The following USH2A variants were observed in gnomAD, a reference collection of about 807,000 sequenced individuals.
The protein encoded by USH2A is usherin.
A neutral mutation model predicts 538.9 loss-of-function variants in USH2A; 443 were observed. That is an observed-to-expected ratio of 0.82 (90% CI 0.76 to 0.89). The LOEUF (loss-of-function observed/expected upper bound fraction) is 0.89, where lower values mean the gene tolerates loss of function less well. Ranked by LOEUF, USH2A falls within the 40% of genes least tolerant of loss-of-function variation. The pLI, the probability that USH2A is intolerant of heterozygous loss-of-function variation, is 0.00. For missense variants in USH2A, 6,633 were observed against 6,324.8 expected (o/e 1.05, Z -1.65); for synonymous variants, 2,413 against 2,273.5 (o/e 1.06, Z -1.75).
intron 30 of USH2A, among the ~76,000 whole-genome samples, chr1:216,066,601 G>A (rs2031380162): frequency 6.6e-6 from 1 of 152,170 alleles, no homozygotes; most frequent in Non-Finnish European, 1.5e-5. Context: ...GTCAAGCACT[G>A]TGCTATGTGC....
chr1:215,708,846 C>T (rs1461505884), intron 61 of USH2A, among the ~76,000 whole-genome samples: 1 of 152,008 alleles, frequency 6.6e-6, no homozygotes. Context: ...GTTCTGGACC[C>T]CTTGTGTCAA....
intron 32 of USH2A, among the ~76,000 whole-genome samples, chr1:216,021,694 CTCTT>C (rs1387400903): frequency 6.6e-6 from 1 of 152,150 alleles, no homozygotes; most frequent in East Asian, 1.9e-4. Flanking sequence ...CAATAAATCT[CTCTT>C]TCTCCATTCT....
At chr1:215,954,225 A>C (rs1275372442) in intron 37 of USH2A, among the ~76,000 whole-genome samples, 5 of 152,282 alleles carry the variant, frequency 3.3e-5, no homozygotes, top group Admixed American at 6.5e-5. Context: ...TATATACCCA[A>C]GGGATTATAA....
chr1:215,740,721 TC>T (rs1660275612), intron 60 of USH2A, among the ~76,000 whole-genome samples: 2 of 152,310 alleles, frequency 1.3e-5, no homozygotes, highest in East Asian at 1.9e-4. Context: ...TAAGCAGTGG[TC>T]CCCAAACTTT....
intron 49 of USH2A, among the ~76,000 whole-genome samples, chr1:215,802,927 G>A (rs1167626351): frequency 6.6e-6 from 1 of 152,012 alleles, no homozygotes; most frequent in African/African-American, 2.4e-5. Context: ...GACATTATTC[G>A]ACCTTAAAAA....
At chr1:215,905,916 C>G (rs895765662) in intron 38 of USH2A, among the ~76,000 whole-genome samples, 1 of 152,100 alleles carries the variant, frequency 6.6e-6, no homozygotes, top group East Asian at 1.9e-4. Context: ...CGCTGAATAG[C>G]CTGGCACATA....
chr1:216,000,087 A>G (rs1460121847), intron 33 of USH2A, among the ~76,000 whole-genome samples: 1 of 152,166 alleles, frequency 6.6e-6, no homozygotes, highest in Non-Finnish European at 1.5e-5. Flanking sequence ...AGATATACAT[A>G]CTTTCTAATT....
chr1:216,114,962 A>G (rs950998505), intron 21 of USH2A, among the ~76,000 whole-genome samples: 1 of 152,172 alleles, frequency 6.6e-6, no homozygotes, highest in African/African-American at 2.4e-5. Flanking sequence ...TCATAGATAT[A>G]TATCTATCTG....
intron 58 of USH2A, among the ~76,000 whole-genome samples, 194 bp downstream of exon 58, chr1:215,758,401 A>G (rs1006793626): frequency 1.3e-5 from 2 of 152,090 alleles, no homozygotes; most frequent in African/African-American, 4.8e-5. Flanking sequence ...CTAGATACCT[A>G]TATCTCTACG....
At chr1:216,043,292 C>A (rs184167761) in intron 32 of USH2A, among the ~76,000 whole-genome samples, 3 of 152,112 alleles carry the variant, frequency 2.0e-5, no homozygotes, top group East Asian at 1.9e-4. Context: ...CATCTTTGAA[C>A]CCCATATTAA....
At chr1:216,076,289 T>C (rs1426822872) in intron 27 of USH2A, among the ~76,000 whole-genome samples, 3 of 152,202 alleles carry the variant, frequency 2.0e-5, no homozygotes, top group Non-Finnish European at 4.4e-5. Context: ...TGGATGATAC[T>C]ACAGTAATAA....
intron 47 of USH2A, among the ~76,000 whole-genome samples, chr1:215,833,260 G>C (rs1390458016): frequency 1.3e-5 from 2 of 151,852 alleles, no homozygotes; most frequent in Non-Finnish European, 2.9e-5. Context: ...TTTTTATAAA[G>C]GTCAAAGTTG....
intron 13 of USH2A, among the ~76,000 whole-genome samples, chr1:216,243,981 A>AATAG (rs2035984986): frequency 6.6e-6 from 1 of 152,206 alleles, no homozygotes; most frequent in Non-Finnish European, 1.5e-5. Flanking sequence ...ACATGAAGAC[A>AATAG]ATAGAAGCTT....
intron 64 of USH2A, among the ~76,000 whole-genome samples, chr1:215,659,077 T>G (rs1657358135): frequency 6.6e-6 from 1 of 152,120 alleles, no homozygotes; most frequent in Non-Finnish European, 1.5e-5. Flanking sequence ...AACATCCTGG[T>G]GAGGAGAGGC....
Position 216,199,884 on chromosome 1 carries a change from G to A in USH2A, c.3554C>T (p.Ser1185Phe), listed in dbSNP as rs1377281291. The change falls in exon 17 of 72, where the codon TCC becomes TTC. Residue 1185 changes from serine to phenylalanine, a missense_variant. Coordinates refer to ENST00000307340, the MANE Select transcript of USH2A (RefSeq NM_206933.4). ...CTGACCACCAGCCAAAGGGGCACAGGACAAAATATATTTCTCTATGGGACC... is the reference window on the plus strand; with the variant it reads ...CTGACCACCAGCCAAAGGGGCACAGAACAAAATATATTTCTCTATGGGACC... ...QSGPIEKYIL[S>F]CAPLAGGQPC... The A allele has an allele frequency of 6.2e-7, 1 of 1,614,118 alleles. No individual in the cohort carries two copies. The highest frequency in any genetic ancestry group is 8.5e-7 in the Non-Finnish European group (1 of 1,179,996).
intron 58 of USH2A, among the ~76,000 whole-genome samples, chr1:215,743,708 T>A (rs1660381739): frequency 6.7e-6 from 1 of 150,324 alleles, no homozygotes; most frequent in Non-Finnish European, 1.5e-5. Flanking sequence ...TAATCCCAGC[T>A]ACTCGGGAGG....
chr1:215,912,479 A>ATACG (rs1665821130), intron 38 of USH2A, among the ~76,000 whole-genome samples: 4 of 31,766 alleles, frequency 1.3e-4, no homozygotes, highest in Non-Finnish European at 1.7e-4. Context: ...ATATATACGT[A>ATACG]TATATATATA....
chr1:216,076,570 G>A (rs1348181707), intron 27 of USH2A, among the ~76,000 whole-genome samples: 2 of 151,792 alleles, frequency 1.3e-5, no homozygotes, highest in East Asian at 1.9e-4. Flanking sequence ...TCACTCATAC[G>A]AAGGGTTTTC....
At chr1:216,230,636 T>C (rs1485444458) in intron 14 of USH2A, among the ~76,000 whole-genome samples, 2 of 152,084 alleles carry the variant, frequency 1.3e-5, no homozygotes, top group African/African-American at 4.8e-5. Context: ...GAGGTGTTAA[T>C]GAGGAGTGGA....
Sources: gnomAD v4.1 joint callset for allele counts (sites outside exome capture counted in the v4.1 genomes callset) on GRCh38, gnomAD v4.1.1 for gene constraint, MANE v1.5 for transcripts, NCBI Gene and HGNC (gene_info 2026-07-23, HGNC 2026-07-21) for gene names.